Variants in ATP7A observed in about 807,000 individuals in gnomAD.
ATP7A encodes copper-transporting ATPase 1.
ATP7A carries 7 observed loss-of-function variants against 83.5 expected under a neutral mutation model. The ratio of observed to expected loss-of-function variants is 0.08; its 90% CI spans 0.05 to 0.16. The LOEUF is 0.16. Ranked by LOEUF, ATP7A falls within the 10% of genes least tolerant of loss-of-function variation. ATP7A has a pLI of 1.00. For missense variants in ATP7A, 940 were observed against 1,120.8 expected, an observed-to-expected ratio of 0.84 and a Z score of 2.30; for synonymous variants, 354 against 395.2, an observed-to-expected ratio of 0.90 and a Z score of 1.24.
intron 1 of ATP7A, among the ~76,000 whole-genome samples, chrX:77,945,456 A>T (rs782175418): frequency 8.9e-6 from 1 of 112,453 alleles, no homozygotes; most frequent in Admixed American, 9.5e-5. Context: ...CTGGGTTTAC[A>T]GGTGTGAGCC....
chrX:77,921,642 C>T (rs1251592893), intron 1 of ATP7A, among the ~76,000 whole-genome samples: 1 of 112,248 alleles, frequency 8.9e-6, no homozygotes, highest in African/African-American at 3.2e-5. Flanking sequence ...GTGCCTCACG[C>T]CTGTAATCCC....
intron 1 of ATP7A, among the ~76,000 whole-genome samples, chrX:77,938,943 G>C (rs1363279392): frequency 1.8e-5 from 2 of 111,748 alleles, no homozygotes; most frequent in African/African-American, 6.5e-5. Context: ...GTATTCTACT[G>C]AATATATGGA....
chrX:78,045,730 C>A (rs975807538), intron 22 of ATP7A, among the ~76,000 whole-genome samples, 158 bp downstream of exon 22: 2 of 112,313 alleles, frequency 1.8e-5, no homozygotes, highest in Non-Finnish European at 3.8e-5. Context: ...CACCTGTAAT[C>A]CCAGCACTTT....
chrX:78,013,163 C>G, intron 10 of ATP7A, 51 bp downstream of exon 10: 1 of 1,081,229 alleles, frequency 9.2e-7, no homozygotes, highest in East Asian at 3.0e-5. Flanking sequence ...GATAAATGAC[C>G]TTAGTATTTT....
chrX:78,039,639 C>T (rs974235725), intron 18 of ATP7A, among the ~76,000 whole-genome samples: 7 of 111,960 alleles, frequency 6.3e-5, no homozygotes, highest in Non-Finnish European at 9.4e-5. Context: ...CAGCCCACAA[C>T]GTCAGTTTTA....
intron 6 of ATP7A, among the ~76,000 whole-genome samples, chrX:78,008,743 C>T (rs939557849): frequency 1.8e-5 from 2 of 110,815 alleles, no homozygotes; most frequent in African/African-American, 6.6e-5. Flanking sequence ...GTGGCAAACC[C>T]ATGAGTCCTT....
In ATP7A at chrX:78,047,722, A is replaced by G. The variant is rs2078091544; in HGVS notation, c.*1152A>G. 9.0e-6 allele frequency: 1 copy of G among 110,804 alleles called. No individual in the cohort carries two copies. The highest frequency in any genetic ancestry group is 9.7e-5 in the Admixed American group (1 of 10,311). 9.1% of individuals were successfully genotyped at this position (110,804 alleles called of 1,213,427 possible). On this transcript the variant is annotated 3_prime_UTR_variant, in exon 23 of 23. Transcript: ENST00000341514. Reference sequence around the variant, plus strand: ...GTAGCTAGGATTACAGGTGCCTGCCACCACACCCGGCTAATTTTCATATTT... The same window carrying G: ...GTAGCTAGGATTACAGGTGCCTGCCGCCACACCCGGCTAATTTTCATATTT...
At chrX:78,003,352 A>G in intron 6 of ATP7A, 116 bp downstream of exon 6, 1 of 735,860 alleles carries the variant, frequency 1.4e-6, no homozygotes, top group Non-Finnish European at 2.1e-6. Flanking sequence ...AATTAAGGAA[A>G]CTGGAAAATG....
intron 1 of ATP7A, among the ~76,000 whole-genome samples, chrX:77,922,266 A>C (rs2149042673): frequency 9.0e-6 from 1 of 111,475 alleles, no homozygotes; most frequent in Admixed American, 9.5e-5. Flanking sequence ...ACACTTTGGG[A>C]GGACCAGGCA....
chrX:77,911,583 C>CG (rs1185373550), intron 1 of ATP7A, among the ~76,000 whole-genome samples: 1 of 86,030 alleles, frequency 1.2e-5, no homozygotes, highest in Non-Finnish European at 2.2e-5. Flanking sequence ...TTGCCGGGTG[C>CG]GGGGGGGTGG....
intron 4 of ATP7A, among the ~76,000 whole-genome samples, chrX:77,995,493 G>A (rs2077697323): frequency 9.8e-6 from 1 of 102,351 alleles, no homozygotes; most frequent in African/African-American, 3.6e-5. Context: ...GCTTGAACGT[G>A]GGAGGCGAAG....
At chrX:77,959,851 G>T (rs2077465517) in intron 1 of ATP7A, among the ~76,000 whole-genome samples, 1 of 112,042 alleles carries the variant, frequency 8.9e-6, no homozygotes, top group East Asian at 2.8e-4. Flanking sequence ...GCTTAGGAGA[G>T]AAAATGTTGA....
chrX:78,006,252 A>G (rs782334903), intron 6 of ATP7A, among the ~76,000 whole-genome samples: 2 of 112,307 alleles, frequency 1.8e-5, no homozygotes, highest in East Asian at 5.5e-4. Flanking sequence ...CAGAAGTTCC[A>G]CTTGTAGGAA....
chrX:78,031,793 A>T (rs960115809), intron 16 of ATP7A, among the ~76,000 whole-genome samples: 1 of 112,303 alleles, frequency 8.9e-6, no homozygotes, highest in Non-Finnish European at 1.9e-5. Flanking sequence ...TATCACACAG[A>T]TAACTCCTGT....
intron 2 of ATP7A, among the ~76,000 whole-genome samples, chrX:77,972,122 CATG>C (rs1557229741): frequency 9.0e-6 from 1 of 111,041 alleles, no homozygotes. Context: ...TCTTTTATAA[CATG>C]GTGATTATTT....
intron 1 of ATP7A, among the ~76,000 whole-genome samples, chrX:77,919,776 C>G (rs782581261): frequency 2.8e-4 from 32 of 112,744 alleles, no homozygotes; most frequent in Non-Finnish European, 5.6e-4. Context: ...GCGTGAGCCA[C>G]TGTGTCCGGC....
intron 2 of ATP7A, among the ~76,000 whole-genome samples, chrX:77,983,629 A>C (rs782345529): frequency 3.6e-5 from 4 of 112,135 alleles, no homozygotes; most frequent in Non-Finnish European, 7.5e-5. Context: ...AATACAGTGA[A>C]TAGTCCTCCA....
At chrX:77,948,915 G>A (rs1305849392) in intron 1 of ATP7A, among the ~76,000 whole-genome samples, 2 of 110,435 alleles carry the variant, frequency 1.8e-5, no homozygotes, top group Non-Finnish European at 3.8e-5. Flanking sequence ...TTCTGGAGAC[G>A]GAGTCTTGCT....
intron 4 of ATP7A, among the ~76,000 whole-genome samples, chrX:77,997,713 A>G (rs1379851303): frequency 9.1e-6 from 1 of 110,154 alleles, no homozygotes; most frequent in Non-Finnish European, 1.9e-5. Flanking sequence ...GCAGAATTTC[A>G]GAGACTTCAG....
Sources: gnomAD v4.1 joint callset for allele counts (sites outside exome capture counted in the v4.1 genomes callset) on GRCh38, gnomAD v4.1.1 for gene constraint, MANE v1.5 for transcripts, NCBI Gene and HGNC (gene_info 2026-07-23, HGNC 2026-07-21) for gene names.